TBC1D22A: variants seen among roughly 807,000 people sequenced by gnomAD.
TBC1D22A encodes the protein putative GTPase activator.
A neutral mutation model predicts 60.2 loss-of-function variants in TBC1D22A; 38 were observed. That is an observed-to-expected ratio of 0.63 (90% CI 0.49 to 0.83). TBC1D22A has a LOEUF of 0.83. Ranked by LOEUF, TBC1D22A falls within the 40% of genes least tolerant of loss-of-function variation. The pLI is 0.00. For missense variants in TBC1D22A, 628 were observed against 701.0 expected, an observed-to-expected ratio of 0.90 and a Z score of 1.18; for synonymous variants, 302 against 281.7, an observed-to-expected ratio of 1.07 and a Z score of -0.72.
intron 11 of TBC1D22A, among the ~76,000 whole-genome samples, chr22:47,101,539 C>A (rs1324253053): frequency 6.6e-6 from 1 of 152,232 alleles, no homozygotes; most frequent in Non-Finnish European, 1.5e-5. Flanking sequence ...GGCCAAGGCC[C>A]CAGGAGGAAA....
At chr22:46,774,136 C>G (rs1223350963) in intron 1 of TBC1D22A, 2 of 985,560 alleles carry the variant, frequency 2.0e-6, no homozygotes, top group African/African-American at 3.5e-5. Flanking sequence ...GGCCTGCCTG[C>G]CCTTGGAGCC....
At chr22:47,104,831 A>G (rs973699850) in intron 11 of TBC1D22A, among the ~76,000 whole-genome samples, 1 of 152,106 alleles carries the variant, frequency 6.6e-6, no homozygotes, top group Admixed American at 6.6e-5. Flanking sequence ...CTATTATCCC[A>G]GATCTTTAGA....
At chr22:46,909,036 T>C (rs920487841) in intron 7 of TBC1D22A, among the ~76,000 whole-genome samples, 3 of 152,154 alleles carry the variant, frequency 2.0e-5, no homozygotes, top group Non-Finnish European at 4.4e-5. Context: ...GCCCGGGAGC[T>C]TGTTGTGCCG....
At chr22:47,145,529 A>C (rs974119113) in intron 12 of TBC1D22A, among the ~76,000 whole-genome samples, 1 of 152,180 alleles carries the variant, frequency 6.6e-6, no homozygotes, top group Non-Finnish European at 1.5e-5. Context: ...TTAAGACATG[A>C]TATTACAAAA....
intron 8 of TBC1D22A, among the ~76,000 whole-genome samples, chr22:46,929,540 C>T (rs1405600960): frequency 6.6e-6 from 1 of 152,138 alleles, no homozygotes; most frequent in Non-Finnish European, 1.5e-5. Flanking sequence ...TATTCACACG[C>T]AAGGCTGCTT....
At chr22:47,044,416 G>A (rs1010332261) in intron 11 of TBC1D22A, among the ~76,000 whole-genome samples, 2 of 152,200 alleles carry the variant, frequency 1.3e-5, no homozygotes, top group Non-Finnish European at 2.9e-5. Flanking sequence ...GGTGGACAGC[G>A]TGCTCCAAGT....
intron 4 of TBC1D22A, among the ~76,000 whole-genome samples, chr22:46,869,102 A>C (rs919846316): frequency 3.3e-5 from 5 of 152,176 alleles, no homozygotes; most frequent in Non-Finnish European, 5.9e-5. Flanking sequence ...ATTTCTGCTG[A>C]CATTTCTTGT....
intron 11 of TBC1D22A, among the ~76,000 whole-genome samples, 164 bp downstream of exon 11, chr22:47,037,362 G>A (rs558552338): frequency 1.3e-5 from 2 of 152,266 alleles, no homozygotes; most frequent in African/African-American, 4.8e-5. Context: ...GGGCGCGGTG[G>A]CTCATGCCTG....
At chr22:46,802,771 A>C (rs1190055959) in intron 4 of TBC1D22A, among the ~76,000 whole-genome samples, 2 of 149,586 alleles carry the variant, frequency 1.3e-5, no homozygotes, top group Non-Finnish European at 3.0e-5. Context: ...GTCCTTGGGC[A>C]GCTCATGGGA....
intron 11 of TBC1D22A, among the ~76,000 whole-genome samples, chr22:47,079,857 C>T (rs1443430234): frequency 6.6e-6 from 1 of 152,104 alleles, no homozygotes; most frequent in Non-Finnish European, 1.5e-5. Context: ...AATAGACAAG[C>T]AAGATCCAAC....
chr22:46,916,791 A>C (rs1406596460), intron 8 of TBC1D22A, among the ~76,000 whole-genome samples: 1 of 152,270 alleles, frequency 6.6e-6, no homozygotes, highest in East Asian at 1.9e-4. Context: ...AGTGAAGTCC[A>C]GTAAATACAG....
chr22:47,156,831 C>T (rs1372815119), intron 12 of TBC1D22A, among the ~76,000 whole-genome samples: 2 of 152,204 alleles, frequency 1.3e-5, no homozygotes, highest in South Asian at 2.1e-4. Context: ...CTGCTGCCCG[C>T]GCCGACCACC....
intron 10 of TBC1D22A, among the ~76,000 whole-genome samples, chr22:47,000,436 T>G (rs1172300757): frequency 6.6e-6 from 1 of 152,222 alleles, no homozygotes; most frequent in Non-Finnish European, 1.5e-5. Flanking sequence ...AGTAGTACTG[T>G]GACCCTTCTT....
intron 4 of TBC1D22A, among the ~76,000 whole-genome samples, chr22:46,842,893 A>G (rs2086832213): frequency 6.6e-6 from 1 of 152,182 alleles, no homozygotes. Flanking sequence ...TGTCTGGGTG[A>G]CATCGATGAG....
chr22:46,976,668 G>A (rs8141390), intron 9 of TBC1D22A, among the ~76,000 whole-genome samples: 2 of 152,216 alleles, frequency 1.3e-5, no homozygotes, highest in South Asian at 4.1e-4. Context: ...GGAACTGCTC[G>A]AACCATCTTC....
chr22:47,162,882 T>C (rs1353652756), intron 12 of TBC1D22A, among the ~76,000 whole-genome samples: 2 of 152,022 alleles, frequency 1.3e-5, no homozygotes, highest in Non-Finnish European at 2.9e-5. Flanking sequence ...GGTCTTGATA[T>C]GTAGGCCCTC....
At chr22:47,026,406 A>G (rs9615113) in intron 10 of TBC1D22A, among the ~76,000 whole-genome samples, 4,513 of 152,284 alleles carry the variant, frequency 0.03, 109 homozygotes, top group South Asian at 0.086. Flanking sequence ...ACGTACATTC[A>G]TTTATTCGTA....
chr22:46,870,836 A>G (rs1002451168), intron 4 of TBC1D22A, among the ~76,000 whole-genome samples: 2 of 152,122 alleles, frequency 1.3e-5, no homozygotes, highest in South Asian at 4.1e-4. Context: ...AATGACCTTA[A>G]TCCAGTCATG....
At chr22:46,981,275 A>G (rs539990910) in intron 9 of TBC1D22A, among the ~76,000 whole-genome samples, 3 of 152,304 alleles carry the variant, frequency 2.0e-5, no homozygotes, top group South Asian at 2.1e-4. Flanking sequence ...AATGCCTGAC[A>G]TGGTCCTGAG....
Sources: allele counts gnomAD v4.1 joint callset (sites outside exome capture counted in the v4.1 genomes callset), GRCh38; gene constraint gnomAD v4.1.1; transcripts MANE v1.5; gene names NCBI Gene and HGNC (gene_info 2026-07-23, HGNC 2026-07-21).